Variants in CNTN6 observed in about 807,000 individuals in gnomAD.
CNTN6 encodes the protein contactin-6.
In CNTN6, 137 loss-of-function variants were observed where a neutral mutation model predicts 122.8. The ratio of observed to expected loss-of-function variants is 1.12; its 90% CI spans 0.97 to 1.29. The LOEUF (loss-of-function observed/expected upper bound fraction) is 1.29. CNTN6 is among the 50% of genes most tolerant of loss of function. CNTN6 has a pLI of 0.00. For synonymous variants in CNTN6, 570 were observed against 426.0 expected, an observed-to-expected ratio of 1.34 and a Z score of -4.16; for missense variants, 1,634 against 1,223.4, an observed-to-expected ratio of 1.34 and a Z score of -5.01.
intron 2 of CNTN6, among the ~76,000 whole-genome samples, chr3:1,153,882 T>C (rs570932535): frequency 2.0e-5 from 3 of 152,184 alleles, no homozygotes; most frequent in Non-Finnish European, 4.4e-5. Flanking sequence ...AAGCACATAC[T>C]GGATATTCCT....
At chr3:1,334,300 A>T (rs1702736522) in intron 11 of CNTN6, among the ~76,000 whole-genome samples, 1 of 152,114 alleles carries the variant, frequency 6.6e-6, no homozygotes, top group Non-Finnish European at 1.5e-5. Context: ...TGGGAATTAG[A>T]AAACACGGGT....
intron 4 of CNTN6, among the ~76,000 whole-genome samples, chr3:1,260,797 T>G (rs1248686241): frequency 6.6e-6 from 1 of 152,016 alleles, no homozygotes; most frequent in East Asian, 1.9e-4. Context: ...GATGCCGCCG[T>G]GTAAAGAAGG....
intron 1 of CNTN6, among the ~76,000 whole-genome samples, chr3:1,143,015 A>G (rs2092648725): frequency 7.8e-6 from 1 of 127,588 alleles, no homozygotes; most frequent in Admixed American, 8.1e-5. Context: ...TATATGCCCA[A>G]TGAACAATAC....
At chr3:1,226,832 A>T (rs1469730622) in intron 3 of CNTN6, among the ~76,000 whole-genome samples, 1 of 152,222 alleles carries the variant, frequency 6.6e-6, no homozygotes, top group Non-Finnish European at 1.5e-5. Flanking sequence ...AATGAGTGAG[A>T]AAAGATATTT....
intron 11 of CNTN6, among the ~76,000 whole-genome samples, chr3:1,348,257 C>T (rs1481688303): frequency 1.3e-5 from 2 of 150,398 alleles, no homozygotes; most frequent in Non-Finnish European, 3.0e-5. Flanking sequence ...AGTAGTTTGT[C>T]CTCAAAGCCC....
intron 2 of CNTN6, among the ~76,000 whole-genome samples, chr3:1,212,814 C>T (rs906075230): frequency 6.6e-6 from 1 of 151,974 alleles, no homozygotes; most frequent in African/African-American, 2.4e-5. Flanking sequence ...TTCATCATTT[C>T]ATTACAGTAT....
At chr3:1,352,104 A>T (rs776402975) in intron 11 of CNTN6, among the ~76,000 whole-genome samples, 2 of 151,924 alleles carry the variant, frequency 1.3e-5, no homozygotes, top group African/African-American at 2.4e-5. Flanking sequence ...TTATAGAATG[A>T]TAATTATCAA....
At chr3:1,208,549 C>T (rs1336095139) in intron 2 of CNTN6, among the ~76,000 whole-genome samples, 1 of 151,968 alleles carries the variant, frequency 6.6e-6, no homozygotes, top group Non-Finnish European at 1.5e-5. Context: ...TGGTGTAGTA[C>T]TTATCCTGTA....
chr3:1,388,238 A>C (rs940704926), intron 20 of CNTN6, among the ~76,000 whole-genome samples: 12 of 149,426 alleles, frequency 8.0e-5, no homozygotes, highest in East Asian at 7.9e-4. Flanking sequence ...CTGCCTCCTC[A>C]AGTGGGTCCC....
intron 2 of CNTN6, among the ~76,000 whole-genome samples, chr3:1,217,056 CA>C (rs1018948832): frequency 6.6e-6 from 1 of 152,058 alleles, no homozygotes; most frequent in Non-Finnish European, 1.5e-5. Flanking sequence ...ATTTTATAAA[CA>C]ATATATTATT....
intron 4 of CNTN6, among the ~76,000 whole-genome samples, chr3:1,275,423 A>G (rs1692154118): frequency 6.6e-6 from 1 of 152,070 alleles, no homozygotes; most frequent in Non-Finnish European, 1.5e-5. Flanking sequence ...TTTTATGTTC[A>G]CGTATTATTC....
At chr3:1,132,700 ATGT>A (rs1461951326) in intron 1 of CNTN6, among the ~76,000 whole-genome samples, 1 of 151,144 alleles carries the variant, frequency 6.6e-6, no homozygotes, top group African/African-American at 2.4e-5. Flanking sequence ...TAACGTGAAG[ATGT>A]TGTGGATGAT....
At chr3:1,237,285 A>G (rs1397049360) in intron 4 of CNTN6, among the ~76,000 whole-genome samples, 1 of 152,166 alleles carries the variant, frequency 6.6e-6, no homozygotes, top group East Asian at 1.9e-4. Flanking sequence ...AGCAGAAGAA[A>G]GAACTTCAGA....
At chr3:1,243,643 A>G (rs1230344725) in intron 4 of CNTN6, among the ~76,000 whole-genome samples, 2 of 152,232 alleles carry the variant, frequency 1.3e-5, no homozygotes, top group East Asian at 3.9e-4. Context: ...CCTAAACGCT[A>G]TCTGATTTGG....
intron 14 of CNTN6, 86 bp downstream of exon 14, chr3:1,373,041 C>T: frequency 1.3e-6 from 1 of 763,974 alleles, no homozygotes; most frequent in Non-Finnish European, 2.2e-6. Context: ...TGAGAAACCA[C>T]ACCATGTTAT....
At chr3:1,374,137 C>T in intron 16 of CNTN6, 64 bp downstream of exon 16, 1 of 1,338,856 alleles carries the variant, frequency 7.5e-7, no homozygotes, top group Non-Finnish European at 1.0e-6. Context: ...TAAAACAAAA[C>T]AAGTATTTTT....
chr3:1,147,862 A>G, intron 1 of CNTN6, 65 bp from the exon 2 acceptor site: 1 of 544,176 alleles, frequency 1.8e-6, no homozygotes, highest in Non-Finnish European at 3.4e-6. Flanking sequence ...ATGCAACAAA[A>G]ATATGCTTAT....
chr3:1,328,738 G>A (rs1006765378), intron 10 of CNTN6, among the ~76,000 whole-genome samples: 1 of 151,632 alleles, frequency 6.6e-6, no homozygotes, highest in African/African-American at 2.4e-5. Context: ...CATCTGAAAA[G>A]CCCAGAAGCA....
intron 4 of CNTN6, among the ~76,000 whole-genome samples, chr3:1,236,948 G>C (rs1298224285): frequency 6.6e-6 from 1 of 151,994 alleles, no homozygotes; most frequent in Non-Finnish European, 1.5e-5. Context: ...AAGCGTGGTG[G>C]TGGGCGCCTG....
Sources: allele counts gnomAD v4.1 joint callset (sites outside exome capture counted in the v4.1 genomes callset), GRCh38; gene constraint gnomAD v4.1.1; transcripts MANE v1.5; gene names NCBI Gene and HGNC (gene_info 2026-07-23, HGNC 2026-07-21).